VEPH1: variants seen among roughly 807,000 people sequenced by gnomAD.
VEPH1 encodes ventricular zone expressed PH domain containing 1.
VEPH1 carries 80 observed loss-of-function variants against 85.2 expected under a neutral mutation model. The ratio of observed to expected loss-of-function variants is 0.94; its 90% CI spans 0.78 to 1.13. The LOEUF is 1.13. Among genes scored for constraint, VEPH1 ranks in the 50% most tolerant of loss-of-function variants. The probability of loss-of-function intolerance (pLI) is 0.00; values close to 1 mark genes in which losing one functional copy is unlikely to be tolerated. For synonymous variants in VEPH1, 297 were observed against 348.0 expected, an observed-to-expected ratio of 0.85 and a Z score of 1.63; for missense variants, 955 against 980.5, an observed-to-expected ratio of 0.97 and a Z score of 0.35.
At chr3:157,361,277 G>C (rs1726021961) in intron 9 of VEPH1, among the ~76,000 whole-genome samples, 1 of 152,174 alleles carries the variant, frequency 6.6e-6, no homozygotes, top group Non-Finnish European at 1.5e-5. Context: ...GGCTAATAAA[G>C]TTAGTGCAAA....
chr3:157,413,430 T>G, intron 6 of VEPH1: 88 of 979,616 alleles, frequency 9.0e-5, no homozygotes, highest in Non-Finnish European at 1.0e-4. Context: ...GGGTAGTCTA[T>G]GAAATCTAAT....
intron 4 of VEPH1, among the ~76,000 whole-genome samples, chr3:157,444,732 TA>T (rs1265945779): frequency 6.6e-6 from 1 of 152,234 alleles, no homozygotes; most frequent in Middle Eastern, 3.2e-3. Context: ...CAGGCCGAGA[TA>T]AATGCAAACT....
At chr3:157,416,136 A>G (rs1418630179) in intron 5 of VEPH1, among the ~76,000 whole-genome samples, 1 of 152,178 alleles carries the variant, frequency 6.6e-6, no homozygotes, top group East Asian at 1.9e-4. Context: ...TAAGTTTTTG[A>G]GCAATAAATC....
chr3:157,319,952 A>C (rs1406735283), intron 9 of VEPH1, among the ~76,000 whole-genome samples: 1 of 152,188 alleles, frequency 6.6e-6, no homozygotes, highest in Non-Finnish European at 1.5e-5. Context: ...CTTTCAGTAC[A>C]TCTGGTCTGT....
At chr3:157,437,716 A>C in intron 4 of VEPH1, 1 of 1,530,490 alleles carries the variant, frequency 6.5e-7, no homozygotes, top group Non-Finnish European at 8.7e-7. Flanking sequence ...CGCAGAGGCC[A>C]GGCTGACCAG....
intron 3 of VEPH1, among the ~76,000 whole-genome samples, chr3:157,466,412 T>G (rs1339164850): frequency 6.6e-6 from 1 of 152,226 alleles, no homozygotes; most frequent in African/African-American, 2.4e-5. Flanking sequence ...TCCAGTAGTT[T>G]GATGTCTTGA....
intron 11 of VEPH1, among the ~76,000 whole-genome samples, chr3:157,287,572 AT>A (rs1438601862): frequency 2.6e-5 from 4 of 151,428 alleles, no homozygotes; most frequent in African/African-American, 7.3e-5. Context: ...TTTTACTTTT[AT>A]TTTTTTACTG....
At chr3:157,300,499 A>G (rs139753771) in intron 11 of VEPH1, among the ~76,000 whole-genome samples, 1 of 152,336 alleles carries the variant, frequency 6.6e-6, no homozygotes, top group African/African-American at 2.4e-5. Context: ...AACTAAACTG[A>G]GAAAACATTT....
chr3:157,423,222 C>T (rs1577618907), intron 5 of VEPH1, among the ~76,000 whole-genome samples: 1 of 152,188 alleles, frequency 6.6e-6, no homozygotes, highest in East Asian at 1.9e-4. Context: ...GTTTATAGTG[C>T]ACTGAAAGAA....
chr3:157,411,077 T>G (rs1241379334), intron 6 of VEPH1, among the ~76,000 whole-genome samples: 4 of 152,284 alleles, frequency 2.6e-5, no homozygotes, highest in African/African-American at 9.6e-5. Context: ...GGAAGATTCC[T>G]TCTCCCCTTC....
chr3:157,296,742 G>T (rs1324282937), intron 11 of VEPH1, among the ~76,000 whole-genome samples: 1 of 152,242 alleles, frequency 6.6e-6, no homozygotes, highest in Non-Finnish European at 1.5e-5. Context: ...TTTCTGCTGA[G>T]TGGTACAGAA....
At chr3:157,436,925 T>C in intron 4 of VEPH1, 2 of 1,611,158 alleles carry the variant, frequency 1.2e-6, no homozygotes, top group Non-Finnish European at 8.5e-7. Flanking sequence ...ACTTTGCGTC[T>C]CTCCAGCAAT....
intron 9 of VEPH1, among the ~76,000 whole-genome samples, chr3:157,326,355 G>A (rs146913901): frequency 6.6e-6 from 1 of 152,304 alleles, no homozygotes; most frequent in Admixed American, 6.5e-5. Flanking sequence ...GGTGGGAATG[G>A]TGATAGAGTA....
At chr3:157,370,605 A>G (rs963801241) in intron 7 of VEPH1, among the ~76,000 whole-genome samples, 36 of 152,316 alleles carry the variant, frequency 2.4e-4, no homozygotes, top group Non-Finnish European at 5.0e-4. Flanking sequence ...TGGAATGTTA[A>G]GGGAAAGGAC....
At position 157,333,574 on chromosome 3, in the gene VEPH1, G is replaced by C. The variant is rs188598228; in HGVS notation, c.1736-16373C>G. On this transcript the variant is annotated intron_variant, in intron 9 of 13. Transcript: ENST00000362010. The stretch of plus-strand genomic sequence containing the variant: ...ATATTTGCATGACACTAATGTAGTT[G>C]ATTTCTGGCAACAATACAGAGCCAC... 1.8e-4 allele frequency among the ~76,000 whole-genome samples: 28 copies of C among 152,292 alleles called. No homozygotes were observed. In the East Asian group the frequency reaches 4.8e-3, roughly 26 times the overall value.
intron 12 of VEPH1, among the ~76,000 whole-genome samples, chr3:157,276,207 C>T (rs890702987): frequency 1.3e-5 from 2 of 152,170 alleles, no homozygotes; most frequent in East Asian, 3.8e-4. Context: ...TGAATGGCTT[C>T]CTTTCTCAGT....
At chr3:157,319,140 T>C (rs1401745836) in intron 9 of VEPH1, among the ~76,000 whole-genome samples, 2 of 152,176 alleles carry the variant, frequency 1.3e-5, no homozygotes, top group African/African-American at 4.8e-5. Flanking sequence ...GTTAGAGATA[T>C]ATACAGAAAT....
At chr3:157,337,503 A>G (rs1039837630) in intron 9 of VEPH1, among the ~76,000 whole-genome samples, 2 of 152,204 alleles carry the variant, frequency 1.3e-5, no homozygotes, top group Non-Finnish European at 2.9e-5. Flanking sequence ...ATCTTGCTCC[A>G]TAAGGTCAAA....
chr3:157,474,377 T>A (rs913937888), intron 2 of VEPH1, among the ~76,000 whole-genome samples: 4 of 152,190 alleles, frequency 2.6e-5, no homozygotes, highest in African/African-American at 9.6e-5. Context: ...CTTATCTGAC[T>A]AAAGAACATG....
Sources: allele counts gnomAD v4.1 joint callset (sites outside exome capture counted in the v4.1 genomes callset), GRCh38; gene constraint gnomAD v4.1.1; transcripts MANE v1.5; gene names NCBI Gene and HGNC (gene_info 2026-07-23, HGNC 2026-07-21).